The following TRPC5 variants were observed in gnomAD, a reference collection of about 807,000 sequenced individuals.
The protein encoded by TRPC5 is short transient receptor potential channel 5.
In TRPC5, 9 loss-of-function variants were observed where a neutral mutation model predicts 56.5. That is an observed-to-expected ratio of 0.16 (90% CI 0.10 to 0.28). TRPC5 has a LOEUF of 0.28. Ranked by LOEUF, TRPC5 falls within the 10% of genes least tolerant of loss-of-function variation. TRPC5 has a pLI of 1.00. For missense variants in TRPC5, 469 were observed against 748.9 expected, an observed-to-expected ratio of 0.63 and a Z score of 4.36; for synonymous variants, 282 against 278.5, an observed-to-expected ratio of 1.01 and a Z score of -0.13.
intron 7 of TRPC5, among the ~76,000 whole-genome samples, chrX:111,819,646 C>T (rs1289758696): frequency 8.9e-6 from 1 of 111,752 alleles, no homozygotes. Flanking sequence ...GCTGCAGGTC[C>T]GTCCTCACCT....
chrX:111,909,356 A>AAATT (rs1055589217), intron 3 of TRPC5, among the ~76,000 whole-genome samples: 15 of 94,657 alleles, frequency 1.6e-4, no homozygotes, highest in South Asian at 5.9e-4. Flanking sequence ...ATAAATAAAT[A>AAATT]AATTAATTAA....
At chrX:111,938,416 T>C (rs983154900) in intron 2 of TRPC5, among the ~76,000 whole-genome samples, 2 of 109,085 alleles carry the variant, frequency 1.8e-5, no homozygotes, top group African/African-American at 6.8e-5. Context: ...GGCATCCCTG[T>C]CTTGTGCCAG....
intron 1 of TRPC5, among the ~76,000 whole-genome samples, chrX:112,004,206 A>C (rs58397755): frequency 0.064 from 7,085 of 111,367 alleles, 568 homozygotes; most frequent in African/African-American, 0.22. Flanking sequence ...TTAACCATAG[A>C]GTTATCTGTA....
Position 111,776,201 on chromosome X carries a change from C to A in TRPC5, c.*112G>T. On this transcript the variant is annotated 3_prime_UTR_variant, in exon 11 of 11. Transcript: ENST00000262839. ...AAAGATGGTGCAAATAAGAGTTTCA[C>A]TCTCCTTTCTGGGGGGCAGGGGCAG... 1.3e-6 allele frequency: 1 copy of A among 742,529 alleles called. No individual in the cohort carries two copies. The highest frequency in any genetic ancestry group is 4.2e-5 in the South Asian group (1 of 24,084). The allele number at this position is 742,529 out of a possible 1,213,427, so 61.2% of individuals were successfully genotyped here. A position where few individuals can be genotyped will look rare whatever the true frequency, so the allele number is the denominator to read the frequency against.
At chrX:112,072,573 A>C (rs969895083) in intron 1 of TRPC5, among the ~76,000 whole-genome samples, 4 of 111,404 alleles carry the variant, frequency 3.6e-5, no homozygotes, top group Non-Finnish European at 7.5e-5. Context: ...ACCTCACCCT[A>C]ACCTGCTATT....
chrX:111,878,217 CATAA>C (rs1476673749), intron 3 of TRPC5, among the ~76,000 whole-genome samples: 2 of 109,283 alleles, frequency 1.8e-5, no homozygotes. Context: ...CATTGTATCC[CATAA>C]ATAAATACAA....
chrX:111,836,570 A>G (rs949478644), intron 6 of TRPC5, among the ~76,000 whole-genome samples: 1 of 111,642 alleles, frequency 9.0e-6, no homozygotes, highest in Non-Finnish European at 1.9e-5. Flanking sequence ...TGCTCTACCT[A>G]ATGTAGCTCC....
chrX:111,782,636 A>G (rs1300370317), intron 7 of TRPC5, among the ~76,000 whole-genome samples: 2 of 111,630 alleles, frequency 1.8e-5, no homozygotes, highest in Non-Finnish European at 3.8e-5. Flanking sequence ...AGTACACACT[A>G]AACTGTCAAT....
At chrX:111,939,776 C>A (rs891800692) in intron 2 of TRPC5, among the ~76,000 whole-genome samples, 2 of 111,166 alleles carry the variant, frequency 1.8e-5, no homozygotes, top group Non-Finnish European at 3.8e-5. Context: ...TATTTATTTG[C>A]GCCTTCTCTC....
chrX:111,965,700 T>C (rs1052936807), intron 1 of TRPC5, among the ~76,000 whole-genome samples: 2 of 111,898 alleles, frequency 1.8e-5, no homozygotes, highest in Admixed American at 9.5e-5. Flanking sequence ...ACATGGAAAC[T>C]GAACAACCTG....
chrX:112,044,417 G>GA (rs1193938135), intron 1 of TRPC5, among the ~76,000 whole-genome samples: 1 of 111,635 alleles, frequency 9.0e-6, no homozygotes, highest in Non-Finnish European at 1.9e-5. Context: ...TCTAGCTTGG[G>GA]AAAATCTCTT....
intron 3 of TRPC5, among the ~76,000 whole-genome samples, chrX:111,897,160 G>A (rs1397088407): frequency 9.0e-6 from 1 of 111,431 alleles, no homozygotes; most frequent in African/African-American, 3.3e-5. Flanking sequence ...ATCTCATTAT[G>A]TATATTTAAA....
intron 3 of TRPC5, among the ~76,000 whole-genome samples, chrX:111,867,107 C>A (rs1291973634): frequency 9.0e-6 from 1 of 111,597 alleles, no homozygotes; most frequent in Non-Finnish European, 1.9e-5. Flanking sequence ...CAGACGCCCA[C>A]ATAAATGGTA....
At chrX:112,069,882 C>T (rs1180723800) in intron 1 of TRPC5, among the ~76,000 whole-genome samples, 1 of 111,615 alleles carries the variant, frequency 9.0e-6, no homozygotes, top group Non-Finnish European at 1.9e-5. Flanking sequence ...GATTTTATGG[C>T]TAGGCTCAGG....
At chrX:111,788,994 G>A (rs887813160) in intron 7 of TRPC5, among the ~76,000 whole-genome samples, 4 of 111,862 alleles carry the variant, frequency 3.6e-5, no homozygotes, top group African/African-American at 1.3e-4. Flanking sequence ...ACTGCCCAAA[G>A]TAATTTATAG....
chrX:112,004,519 G>C (rs1218417923), intron 1 of TRPC5, among the ~76,000 whole-genome samples: 2 of 112,222 alleles, frequency 1.8e-5, no homozygotes, highest in Non-Finnish European at 3.8e-5. Flanking sequence ...AACTTGAGGA[G>C]AGAGCAGCAC....
At chrX:111,802,070 C>G (rs1218997306) in intron 7 of TRPC5, among the ~76,000 whole-genome samples, 1 of 111,767 alleles carries the variant, frequency 8.9e-6, no homozygotes, top group African/African-American at 3.2e-5. Context: ...GAAAAAGGAG[C>G]CTTACTTTAC....
In TRPC5 at chrX:111,969,028, AC is replaced by A. The variant is rs1196334583; in HGVS notation, c.-21-16588del. On this transcript the variant is annotated intron_variant, in intron 1 of 10. Coordinates refer to ENST00000262839, the MANE Select transcript of TRPC5 (RefSeq NM_012471.3). ...AATAAAATAAAATAAAATAAAAACA[AC>A]AAAAAAAATAAATAAATAACAAAAC... Among the ~76,000 whole-genome samples the A allele has an allele frequency of 2.4e-4, 25 of 104,938 alleles. No homozygotes were observed. In the Middle Eastern group the frequency reaches 0.015, roughly 61 times the overall value. The allele number at this position is 104,938 out of a possible 115,157, so 91.1% of individuals were successfully genotyped here.
At chrX:111,951,039 A>G (rs938401154) in intron 2 of TRPC5, among the ~76,000 whole-genome samples, 1 of 111,977 alleles carries the variant, frequency 8.9e-6, no homozygotes, top group African/African-American at 3.2e-5. Flanking sequence ...TTTAGGGAGA[A>G]TAATGCCTTA....
Sources: allele counts gnomAD v4.1 joint callset (sites outside exome capture counted in the v4.1 genomes callset), GRCh38; gene constraint gnomAD v4.1.1; transcripts MANE v1.5; gene names NCBI Gene and HGNC (gene_info 2026-07-23, HGNC 2026-07-21).